Variants in ECPAS observed in about 807,000 individuals in gnomAD.
ECPAS encodes Ecm29 proteasome adaptor and scaffold, also known as proteasome adapter and scaffold protein ECM29.
Under a neutral mutation model 255.1 loss-of-function variants are expected in ECPAS, and 70 were observed. The observed-to-expected ratio is 0.27, with a 90% confidence interval of 0.23 to 0.33. The LOEUF is 0.33. Ranked by LOEUF, ECPAS falls within the 10% of genes least tolerant of loss-of-function variation. The pLI, the probability that ECPAS is intolerant of heterozygous loss-of-function variation, is 1.00. For missense variants in ECPAS, 1,817 were observed against 2,206.4 expected (o/e 0.82, Z 3.54); for synonymous variants, 784 against 775.0 (o/e 1.01, Z -0.19).
chr9:111,451,532 G>A lies in ECPAS; in HGVS notation c.46C>T (p.Arg16Ter), dbSNP rs866779639. 1.3e-6 allele frequency: 2 copies of A among 1,573,716 alleles called. No homozygotes were observed. The highest frequency in any genetic ancestry group is 1.7e-6 in the Non-Finnish European group (2 of 1,160,264). The part of the protein sequence containing the change: ...CRDQLERVFL[R>*]LGHAETDEQL... Reference sequence around the variant, plus strand: ...TCATCTGTTTCAGCATGGCCAAGTCGTAAAAAGACCCGTTCAAGCTGATCT... The same window carrying A: ...TCATCTGTTTCAGCATGGCCAAGTCATAAAAAGACCCGTTCAAGCTGATCT... The change falls in exon 3 of 50, where the codon CGA becomes TGA. Residue 16 changes from arginine to a stop codon, truncating the protein, a stop_gained. Coordinates refer to ENST00000684092, the MANE Select transcript of ECPAS (RefSeq NM_001364929.1). LOFTEE classifies it high-confidence loss of function.
chr9:111,416,970 C>A (rs1276438307), intron 17 of ECPAS, among the ~76,000 whole-genome samples: 12 of 152,192 alleles, frequency 7.9e-5, no homozygotes, highest in Admixed American at 6.5e-4. Flanking sequence ...GTGGGAAGAA[C>A]ATGAACTGTT....
At chr9:111,385,212 T>C (rs745328001) in intron 33 of ECPAS, 125 bp downstream of exon 33, 65 of 600,556 alleles carry the variant, frequency 1.1e-4, no homozygotes, top group Middle Eastern at 8.9e-4. Context: ...GACTGAAACT[T>C]TGGGGGAAAA....
rs903677666 is a variant in ECPAS, at chr9:111,372,636, C to G, written c.4337-16G>C. 2.5e-6 allele frequency: 4 copies of G among 1,581,870 alleles called. No homozygotes were observed. The highest frequency in any genetic ancestry group is 3.4e-6 in the Non-Finnish European group (4 of 1,160,788). ...TAGATAGGTTCTGAAAAGGAGAAAC[C>G]AAAATCTTTACGATATTTATTGTTT... On this transcript the variant is annotated splice_polypyrimidine_tract_variant and intron_variant, in intron 41 of 49. Coordinates refer to ENST00000684092, the MANE Select transcript of ECPAS (RefSeq NM_001364929.1).
At chr9:111,401,841 C>G (rs1293837859) in intron 24 of ECPAS, among the ~76,000 whole-genome samples, 1 of 152,260 alleles carries the variant, frequency 6.6e-6, no homozygotes. Context: ...CTGCCCGACC[C>G]TGCAGGCAGT....
In ECPAS at chr9:111,375,145, G is replaced by C; in HGVS notation, c.4078C>G (p.Leu1360Val). 6.2e-7 allele frequency: 1 copy of C among 1,613,678 alleles called. No individual in the cohort carries two copies. Among genetic ancestry groups the C allele is most frequent in the Non-Finnish European group, 8.5e-7 (1 of 1,179,696 alleles). Residue 1360 changes from leucine to valine, a missense_variant, in exon 38 of 50, where the codon CTG (leucine) becomes GTG (valine). Leu to Val is a conservative substitution (Grantham distance 32, BLOSUM62 1). This residue lies in a region of ECPAS where 960 missense variants were observed against 1,179.0 expected (regional missense o/e 0.81). Transcript: ENST00000684092. ...LGELVPRLCE[L>V]IRSGVGLGTK... ...CCAAGACCTACACCACTTCTGATCA[G>C]TTCACACAACCTAGGAACTAGCTCG...
intron 3 of ECPAS, among the ~76,000 whole-genome samples, chr9:111,445,342 G>A (rs1000397161): frequency 6.6e-6 from 1 of 151,952 alleles, no homozygotes; most frequent in African/African-American, 2.4e-5. Flanking sequence ...TGAGATCCAA[G>A]TTGGGCCTAG....
chr9:111,373,198 C>A lies in ECPAS; in HGVS notation c.4308G>T (p.Lys1436Asn). 6.2e-7 allele frequency: 1 copy of A among 1,613,786 alleles called. No homozygotes were observed. Among genetic ancestry groups the A allele is most frequent in the South Asian group, 1.1e-5 (1 of 91,078 alleles). ...CTTTCTCCATATACCACCCATTGAG[C>A]TTCTGCAGGAGTTTTTCAGTGCTGC... ...RDSSTEKLLQ[K>N]LNGWYMEKEE... The change falls in exon 41 of 50, where the codon AAG becomes AAT. Residue 1436 changes from lysine (K) to asparagine (N), a missense_variant. Coordinates refer to ENST00000684092, the MANE Select transcript of ECPAS (RefSeq NM_001364929.1).
chr9:111,472,141 G>A (rs1304088944), intron 2 of ECPAS, among the ~76,000 whole-genome samples: 2 of 152,156 alleles, frequency 1.3e-5, no homozygotes, highest in African/African-American at 4.8e-5. Context: ...CCAGCTACTA[G>A]AGAGGCTGAG....
intron 3 of ECPAS, among the ~76,000 whole-genome samples, chr9:111,447,852 G>A (rs1248482017): frequency 6.6e-6 from 1 of 152,034 alleles, no homozygotes; most frequent in East Asian, 1.9e-4. Context: ...AATAAATCAA[G>A]TGGAAAATCT....
chr9:111,449,062 T>A (rs1174382581), intron 3 of ECPAS, among the ~76,000 whole-genome samples: 4 of 152,196 alleles, frequency 2.6e-5, no homozygotes, highest in Admixed American at 2.6e-4. Flanking sequence ...AGTTCATTAA[T>A]CATTCCAAGC....
At position 111,418,024 on chromosome 9, in the gene ECPAS, A is replaced by G. The variant is rs753639934; in HGVS notation, c.1560-18T>C. ...CTTCACGTCTTTCAGAAAAAGACAA[A>G]TAAGAATAAAAAATAAATGTCACCA... On this transcript the variant is annotated intron_variant, in intron 16 of 49. Transcript: ENST00000684092. The G allele has an allele frequency of 1.9e-6, 3 of 1,564,756 alleles. No individual in the cohort carries two copies. Among genetic ancestry groups the G allele is most frequent in the Non-Finnish European group, 1.7e-6 (2 of 1,161,406 alleles).
At chr9:111,447,411 G>A (rs1221531880) in intron 3 of ECPAS, among the ~76,000 whole-genome samples, 3 of 152,032 alleles carry the variant, frequency 2.0e-5, no homozygotes, top group African/African-American at 7.2e-5. Context: ...ACTGCACTCG[G>A]CCTATTTTGA....
At position 111,374,067 on chromosome 9, in the gene ECPAS, A is replaced by G. The variant is rs759672847; in HGVS notation, c.4111-29T>C. 5.1e-6 allele frequency: 8 copies of G among 1,554,718 alleles called. No individual in the cohort carries two copies. The Admixed American group carries it at 1.3e-4, about 26-fold the overall frequency. On this transcript the variant is annotated intron_variant, in intron 38 of 49. Transcript: ENST00000684092. Reference sequence around the variant, plus strand: ...CAGGGTTACAAAAGCAAAGGTCTAAATCTGATGGTCACAATGTTCTACCTA... The same window carrying G: ...CAGGGTTACAAAAGCAAAGGTCTAAGTCTGATGGTCACAATGTTCTACCTA...
At chr9:111,397,781 G>C (rs1255681303) in intron 24 of ECPAS, among the ~76,000 whole-genome samples, 3 of 152,124 alleles carry the variant, frequency 2.0e-5, no homozygotes, top group Non-Finnish European at 4.4e-5. Context: ...AGAAAAAAGA[G>C]AATAATAAAG....
chr9:111,425,658 G>GT, intron 11 of ECPAS, 85 bp downstream of exon 11: 1 of 982,292 alleles, frequency 1.0e-6, no homozygotes, highest in Non-Finnish European at 1.5e-6. Context: ...TTCTTTCTAG[G>GT]TAAGATGAGT....
intron 25 of ECPAS, among the ~76,000 whole-genome samples, chr9:111,395,121 T>A (rs564024631): frequency 1.3e-5 from 2 of 152,308 alleles, no homozygotes; most frequent in South Asian, 4.1e-4. Flanking sequence ...CCTTCATAAC[T>A]CCTCATTGAT....
intron 31 of ECPAS, among the ~76,000 whole-genome samples, chr9:111,388,241 T>C (rs1345909026): frequency 6.6e-6 from 1 of 151,430 alleles, no homozygotes; most frequent in African/African-American, 2.4e-5. Flanking sequence ...ACATTCTCCA[T>C]GGATGATCTC....
chr9:111,388,525 G>A (rs2098154069), intron 31 of ECPAS, among the ~76,000 whole-genome samples: 1 of 151,672 alleles, frequency 6.6e-6, no homozygotes, highest in Non-Finnish European at 1.5e-5. Flanking sequence ...GGACTTGTAA[G>A]ACATAGTAAG....
intron 39 of ECPAS, 40 bp downstream of exon 39, chr9:111,373,932 C>A (rs887336444): frequency 6.9e-7 from 1 of 1,449,262 alleles, no homozygotes; most frequent in Non-Finnish European, 9.7e-7. Context: ...CAAGACAGGG[C>A]TGTGCAAAAA....
Sources: gnomAD v4.1 joint callset for allele counts (sites outside exome capture counted in the v4.1 genomes callset) on GRCh38, gnomAD v4.1.1 for gene constraint, gnomAD v4.1.1 regional missense constraint, MANE v1.5 for transcripts, NCBI Gene and HGNC (gene_info 2026-07-23, HGNC 2026-07-21) for gene names.